Variants in CSMD2 observed in about 807,000 individuals in gnomAD.
CSMD2 encodes CUB and sushi domain-containing protein 2.
Under a neutral mutation model 398.5 loss-of-function variants are expected in CSMD2, and 130 were observed. The observed-to-expected ratio is 0.33, with a 90% CI of 0.28 to 0.38. The LOEUF (loss-of-function observed/expected upper bound fraction) is 0.38, where lower values mean the gene tolerates loss of function less well. Among genes scored for constraint, CSMD2 ranks in the 10% least tolerant of loss-of-function variants. The probability of loss-of-function intolerance (pLI) is 1.00; values close to 1 mark genes in which losing one functional copy is unlikely to be tolerated. For synonymous variants in CSMD2, 1,828 were observed against 1,908.5 expected (o/e 0.96, Z 1.10); for missense variants, 3,829 against 4,764.9 (o/e 0.80, Z 5.78).
chr1:34,051,245 G>A (rs2148223684), intron 2 of CSMD2, among the ~76,000 whole-genome samples: 1 of 152,314 alleles, frequency 6.6e-6, no homozygotes, highest in Middle Eastern at 3.4e-3. Flanking sequence ...GGCACTTTAA[G>A]TTTAGGTCAC....
At chr1:33,576,676 T>G (rs1638263307) in intron 49 of CSMD2, among the ~76,000 whole-genome samples, 1 of 152,142 alleles carries the variant, frequency 6.6e-6, no homozygotes, top group Non-Finnish European at 1.5e-5. Flanking sequence ...CTATAAGAGC[T>G]TTGTACACGG....
intron 6 of CSMD2, among the ~76,000 whole-genome samples, chr1:33,835,725 A>AAAAC (rs4026948): frequency 6.7e-6 from 1 of 149,922 alleles, no homozygotes; most frequent in Non-Finnish European, 1.5e-5. Flanking sequence ...AAAAAAAAAA[A>AAAAC]GGACTTCTCT....
At chr1:33,690,198 C>T (rs760424901) in intron 25 of CSMD2, among the ~76,000 whole-genome samples, 4 of 152,306 alleles carry the variant, frequency 2.6e-5, no homozygotes, top group African/African-American at 7.2e-5. Flanking sequence ...ATGAATGCCG[C>T]CACCCACCAA....
intron 3 of CSMD2, among the ~76,000 whole-genome samples, chr1:33,989,128 AC>A (rs1361640037): frequency 6.7e-6 from 1 of 148,862 alleles, no homozygotes; most frequent in Non-Finnish European, 1.5e-5. Context: ...AATAAAACAC[AC>A]ATATATATGT....
At chr1:33,790,040 G>T (rs552090614) in intron 11 of CSMD2, among the ~76,000 whole-genome samples, 2 of 152,248 alleles carry the variant, frequency 1.3e-5, no homozygotes, top group East Asian at 3.9e-4. Context: ...GCTATTCTAA[G>T]GTTCTCTCTA....
intron 21 of CSMD2, among the ~76,000 whole-genome samples, chr1:33,714,169 A>T (rs1464378683): frequency 6.6e-6 from 1 of 152,186 alleles, no homozygotes; most frequent in East Asian, 1.9e-4. Context: ...CTACTCCTCC[A>T]GATGGGGACT....
At chr1:33,783,010 T>C (rs750899518) in intron 12 of CSMD2, among the ~76,000 whole-genome samples, 4 of 152,026 alleles carry the variant, frequency 2.6e-5, no homozygotes, top group Non-Finnish European at 4.4e-5. Context: ...TCTGCCACTA[T>C]TCAAGTGAGA....
At chr1:34,019,120 G>A (rs1004859) in intron 3 of CSMD2, among the ~76,000 whole-genome samples, 16,885 of 152,178 alleles carry the variant, frequency 0.11, 1,069 homozygotes, top group East Asian at 0.26. Context: ...TCAAAGGACT[G>A]CTTGAGAATT....
At chr1:33,919,383 C>T (rs1643871093) in intron 4 of CSMD2, among the ~76,000 whole-genome samples, 1 of 152,178 alleles carries the variant, frequency 6.6e-6, no homozygotes, top group Non-Finnish European at 1.5e-5. Context: ...ATCAGATTAA[C>T]AGATATATAG....
At chr1:33,839,757 T>C (rs1884979) in intron 6 of CSMD2, 80,969 of 152,082 alleles carry the variant, frequency 0.53, 21,750 homozygotes, top group East Asian at 0.66. Flanking sequence ...CATTTGGGTG[T>C]TTTGCCTTGG....
In CSMD2 at chr1:33,668,078, G is replaced by C. The variant is rs890087959; in HGVS notation, c.4053-4986C>G. Among the ~76,000 whole-genome samples, 6 of 152,178 alleles carry C rather than the reference G, an allele frequency of 3.9e-5. No individual in the cohort carries two copies. The East Asian group carries it at 1.2e-3, about 29-fold the overall frequency. ...TTCTAAGGAAGTGGCATTTAAGCAA[G>C]ATGCCAAGCCACATGGAGAGCAGGA... On this transcript the variant is annotated intron_variant, in intron 25 of 70. Transcript: ENST00000373381.
chr1:33,523,969 T>C (rs972422693), intron 66 of CSMD2, among the ~76,000 whole-genome samples: 2 of 152,244 alleles, frequency 1.3e-5, no homozygotes, highest in Non-Finnish European at 2.9e-5. Flanking sequence ...GTACTTACTT[T>C]TTCTGATTAT....
chr1:33,963,610 C>T lies in CSMD2; in HGVS notation c.518-27656G>A, dbSNP rs78300148. Among the ~76,000 whole-genome samples, 1,466 of 152,250 alleles carry T rather than the reference C, an allele frequency of 9.6e-3. 22 individuals are homozygous for T. Among genetic ancestry groups the T allele is most frequent in the African/African-American group, 0.034 (1,406 of 41,532 alleles). The stretch of plus-strand genomic sequence containing the variant: ...CCAGGCAACAACTGATCTGCTTTCC[C>T]TCACTCTCAACTAGTTTAAAATGTC... On this transcript the variant is annotated intron_variant, in intron 3 of 70. Transcript: ENST00000373381.
chr1:33,794,891 T>C (rs1654763411), intron 10 of CSMD2, among the ~76,000 whole-genome samples: 1 of 150,936 alleles, frequency 6.6e-6, no homozygotes, highest in Non-Finnish European at 1.5e-5. Context: ...AAGGTCTAGG[T>C]GAGGTGGGAT....
Position 33,739,178 on chromosome 1 carries a change from C to A in CSMD2, c.2330G>T (p.Gly777Val), listed in dbSNP as rs781192771. ...CACAGCGCTGTTCCAGACCACGCTG[C>A]CCTCCTTCAGGACGCAGGTGATGGT... ...SETITCVLKEGSVVWNSAVLR... is the reference protein window; with the variant it reads ...SETITCVLKEVSVVWNSAVLR... Residue 777 changes from glycine to valine, a missense_variant, in exon 15 of 71, where the codon GGC (glycine) becomes GTC (valine). By Grantham distance (109) the Gly-to-Val change is moderately radical (BLOSUM62 -3). This residue lies in a region of CSMD2 where 2,001 missense variants were observed against 2,567.1 expected (regional missense o/e 0.78). Coordinates refer to ENST00000373381, the MANE Select transcript of CSMD2 (RefSeq NM_001281956.2). 6.2e-7 allele frequency: 1 copy of A among 1,614,092 alleles called. No individual in the cohort carries two copies. The highest frequency in any genetic ancestry group is 1.7e-5 in the Admixed American group (1 of 60,020).
At chr1:34,064,101 C>T (rs1654846066) in intron 2 of CSMD2, among the ~76,000 whole-genome samples, 1 of 152,216 alleles carries the variant, frequency 6.6e-6, no homozygotes, top group Non-Finnish European at 1.5e-5. Context: ...ACCACGTATT[C>T]CTCCCGGGCC....
intron 60 of CSMD2, 139 bp downstream of exon 60, chr1:33,540,386 A>G: frequency 3.8e-6 from 3 of 779,284 alleles, no homozygotes; most frequent in Non-Finnish European, 6.2e-6. Context: ...TCCCTCTTTA[A>G]TAGTGTCTTT....
At position 33,611,181 on chromosome 1, in the gene CSMD2, G is replaced by C. The variant is rs1234476908; in HGVS notation, c.6203C>G (p.Pro2068Arg). 1.5e-5 allele frequency: 25 copies of C among 1,614,092 alleles called. No homozygotes were observed. The highest frequency in any genetic ancestry group is 2.1e-5 in the Non-Finnish European group (25 of 1,180,012). Reference protein sequence around the residue: ...NHDYIEIRNGPYETSRMMGRF... With the variant: ...NHDYIEIRNGRYETSRMMGRF... ...TCCCATCATGCGGCTGGTCTCATAGGGGCCATTCCGGATTTCTATGTAGTC... is the reference window on the plus strand; with the variant it reads ...TCCCATCATGCGGCTGGTCTCATAGCGGCCATTCCGGATTTCTATGTAGTC... The change falls in exon 41 of 71, where the codon CCC (proline) becomes CGC (arginine). Residue 2068 changes from proline (P) to arginine (R), a missense_variant. By Grantham distance (103) the Pro-to-Arg change is moderately radical. Coordinates refer to ENST00000373381, the MANE Select transcript of CSMD2 (RefSeq NM_001281956.2).
At chr1:33,953,696 G>A (rs140961818) in intron 3 of CSMD2, among the ~76,000 whole-genome samples, 40 of 152,184 alleles carry the variant, frequency 2.6e-4, no homozygotes, top group African/African-American at 8.4e-4. Flanking sequence ...TAGATTCCTA[G>A]TGCTTTTGCC....
Sources: gnomAD v4.1 joint callset for allele counts (sites outside exome capture counted in the v4.1 genomes callset) on GRCh38, gnomAD v4.1.1 for gene constraint, gnomAD v4.1.1 regional missense constraint, MANE v1.5 for transcripts, NCBI Gene and HGNC (gene_info 2026-07-23, HGNC 2026-07-21) for gene names.